Variants in VPS41 observed in about 807,000 individuals in gnomAD.
VPS41 encodes the protein VPS41 subunit of HOPS complex, also known as vacuolar protein sorting-associated protein 41 homolog.
A neutral mutation model predicts 130.9 loss-of-function variants in VPS41; 85 were observed. The ratio of observed to expected loss-of-function variants is 0.65; its 90% CI spans 0.55 to 0.78. VPS41 has a LOEUF of 0.78. Ranked by LOEUF, VPS41 falls within the 30% of genes least tolerant of loss-of-function variation. The pLI is 0.00. For missense variants in VPS41, 874 were observed against 1,018.7 expected (o/e 0.86, Z 1.93); for synonymous variants, 335 against 332.9 (o/e 1.01, Z -0.07).
chr7:38,888,099 T>C (rs1379263389), intron 2 of VPS41, among the ~76,000 whole-genome samples: 1 of 152,156 alleles, frequency 6.6e-6, no homozygotes, highest in African/African-American at 2.4e-5. Flanking sequence ...AGACCATCGA[T>C]GCTATGAAAA....
intron 7 of VPS41, among the ~76,000 whole-genome samples, chr7:38,797,690 A>G (rs1784647540): frequency 6.6e-6 from 1 of 152,218 alleles, no homozygotes; most frequent in African/African-American, 2.4e-5. Flanking sequence ...CAGAATTACT[A>G]AAATTCCTAC....
intron 2 of VPS41, among the ~76,000 whole-genome samples, chr7:38,886,045 C>T (rs1371030495): frequency 6.6e-6 from 1 of 151,890 alleles, no homozygotes; most frequent in Non-Finnish European, 1.5e-5. Context: ...CCAAGATGGC[C>T]AAACAGGAAC....
intron 2 of VPS41, among the ~76,000 whole-genome samples, chr7:38,869,839 A>G (rs1786311655): frequency 1.3e-5 from 2 of 152,256 alleles, no homozygotes; most frequent in South Asian, 2.1e-4. Context: ...TCAAACCACC[A>G]TAATTGCATA....
intron 7 of VPS41, among the ~76,000 whole-genome samples, chr7:38,813,088 A>G (rs562052996): frequency 6.6e-6 from 1 of 152,352 alleles, no homozygotes; most frequent in East Asian, 1.9e-4. Context: ...TAGCAGCATT[A>G]TTCATAATAG....
chr7:38,731,817 C>A (rs939046298), intron 25 of VPS41, among the ~76,000 whole-genome samples: 2 of 152,080 alleles, frequency 1.3e-5, no homozygotes, highest in Admixed American at 6.6e-5. Context: ...AAGACCCAGT[C>A]CCTACCACCT....
chr7:38,765,933 T>C (rs957350552), intron 15 of VPS41, among the ~76,000 whole-genome samples: 5 of 152,198 alleles, frequency 3.3e-5, no homozygotes, highest in African/African-American at 1.2e-4. Context: ...CTAGGGGCTT[T>C]CCCAACTATC....
At chr7:38,855,921 G>C (rs1785972155) in intron 4 of VPS41, among the ~76,000 whole-genome samples, 1 of 152,144 alleles carries the variant, frequency 6.6e-6, no homozygotes, top group African/African-American at 2.4e-5. Flanking sequence ...AAATATCATA[G>C]AGTGGCTTAA....
At chr7:38,831,565 A>T (rs1785387766) in intron 4 of VPS41, among the ~76,000 whole-genome samples, 1 of 152,260 alleles carries the variant, frequency 6.6e-6, no homozygotes, top group Admixed American at 6.5e-5. Context: ...TGCAAGTTAC[A>T]CTTAGTAGAT....
chr7:38,797,196 C>T (rs1426877189), intron 7 of VPS41, among the ~76,000 whole-genome samples: 4 of 152,138 alleles, frequency 2.6e-5, no homozygotes, highest in Non-Finnish European at 4.4e-5. Context: ...AATGATTGTC[C>T]GGGAACTAAT....
At chr7:38,835,155 TC>T (rs1785468330) in intron 4 of VPS41, among the ~76,000 whole-genome samples, 1 of 152,000 alleles carries the variant, frequency 6.6e-6, no homozygotes, top group African/African-American at 2.4e-5. Flanking sequence ...TTCCTTTTTT[TC>T]TTTGATTATC....
intron 27 of VPS41, 54 bp from the exon 28 acceptor site, chr7:38,727,042 T>C (rs1795558996): frequency 1.4e-6 from 2 of 1,424,492 alleles, no homozygotes; most frequent in African/African-American, 1.5e-5. Flanking sequence ...GCAAGATCAT[T>C]TTAAACCAAT....
intron 4 of VPS41, among the ~76,000 whole-genome samples, chr7:38,850,923 A>G (rs1202870434): frequency 6.6e-6 from 1 of 152,222 alleles, no homozygotes; most frequent in African/African-American, 2.4e-5. Context: ...ATAAACTCTC[A>G]GACTGCTGGC....
intron 12 of VPS41, 66 bp from the exon 13 acceptor site, chr7:38,772,703 G>C: frequency 8.8e-7 from 1 of 1,137,086 alleles, no homozygotes; most frequent in Non-Finnish European, 1.3e-6. Context: ...AATGGTTTCA[G>C]AGGACCTGGT....
chr7:38,876,768 A>T (rs1203197154), intron 2 of VPS41, among the ~76,000 whole-genome samples: 1 of 152,110 alleles, frequency 6.6e-6, no homozygotes, highest in Non-Finnish European at 1.5e-5. Context: ...AGTCTTCATA[A>T]ACCCTGGTCT....
intron 4 of VPS41, among the ~76,000 whole-genome samples, chr7:38,854,851 GA>G (rs1554295966): frequency 6.9e-4 from 7 of 10,100 alleles, no homozygotes; most frequent in Non-Finnish European, 1.5e-3. Flanking sequence ...AAGAAGTGGA[GA>G]AAAAAAAAAA....
At chr7:38,874,238 C>A (rs144540652) in intron 2 of VPS41, among the ~76,000 whole-genome samples, 1 of 152,260 alleles carries the variant, frequency 6.6e-6, no homozygotes, top group East Asian at 1.9e-4. Flanking sequence ...CACATGAATT[C>A]TAGGGGTTAA....
intron 3 of VPS41, among the ~76,000 whole-genome samples, chr7:38,866,881 A>G (rs994592220): frequency 6.6e-6 from 1 of 152,192 alleles, no homozygotes; most frequent in Non-Finnish European, 1.5e-5. Context: ...TTGAGAAGAA[A>G]GGTGAGATCC....
chr7:38,869,021 A>G (rs1786288934), intron 3 of VPS41, 125 bp downstream of exon 3: 2 of 674,010 alleles, frequency 3.0e-6, no homozygotes, highest in African/African-American at 3.6e-5. Flanking sequence ...AAGGAGGAAG[A>G]GAGCAGTGGC....
In VPS41 at chr7:38,851,775, T is replaced by C. The variant is rs780567680; in HGVS notation, c.246+10770A>G. Among the ~76,000 whole-genome samples, 6 of 152,198 alleles carry C rather than the reference T, an allele frequency of 3.9e-5. No individual in the cohort carries two copies. In the East Asian group the frequency reaches 7.7e-4, roughly 20 times the overall value. ...TACACTATCGTACATCCACCAGCAG[T>C]GTATGAGAGTTCTAGTTCCTCCACA... On this transcript the variant is annotated intron_variant, in intron 4 of 28. Transcript: ENST00000310301.
Sources: gnomAD v4.1 joint callset for allele counts (sites outside exome capture counted in the v4.1 genomes callset) on GRCh38, gnomAD v4.1.1 for gene constraint, MANE v1.5 for transcripts, NCBI Gene and HGNC (gene_info 2026-07-23, HGNC 2026-07-21) for gene names.